ARHGEF7: variants seen among roughly 807,000 people sequenced by gnomAD.
ARHGEF7 encodes Rho guanine nucleotide exchange factor 7.
Under a neutral mutation model 109.8 loss-of-function variants are expected in ARHGEF7, and 33 were observed. That is an observed-to-expected ratio of 0.30 (90% CI 0.23 to 0.40). The LOEUF (loss-of-function observed/expected upper bound fraction) is 0.40. Ranked by LOEUF, ARHGEF7 falls within the 10% of genes least tolerant of loss-of-function variation. The probability of loss-of-function intolerance (pLI) is 1.00; values close to 1 mark genes in which losing one functional copy is unlikely to be tolerated. For missense variants in ARHGEF7, 938 were observed against 1,098.5 expected, an observed-to-expected ratio of 0.85 and a Z score of 2.07; for synonymous variants, 458 against 424.6, an observed-to-expected ratio of 1.08 and a Z score of -0.97.
intron 5 of ARHGEF7, among the ~76,000 whole-genome samples, chr13:111,220,204 T>C (rs1655789573): frequency 6.6e-6 from 1 of 152,222 alleles, no homozygotes; most frequent in South Asian, 2.1e-4. Context: ...CAGTGGACTT[T>C]CCAGGAGGAC....
chr13:111,182,378 A>C (rs2153431493), intron 2 of ARHGEF7: 1 of 152,526 alleles, frequency 6.6e-6, no homozygotes, highest in South Asian at 2.1e-4. Context: ...TGGTGGTAAA[A>C]GCTTGTCTGC....
intron 10 of ARHGEF7, 21 bp from the exon 11 acceptor site, chr13:111,274,710 G>A: frequency 7.1e-7 from 1 of 1,417,624 alleles, no homozygotes; most frequent in South Asian, 1.5e-5. Flanking sequence ...AAAGCTAATT[G>A]TATGTTTCTT....
At chr13:111,264,232 G>A (rs2091388803) in intron 8 of ARHGEF7, among the ~76,000 whole-genome samples, 1 of 152,224 alleles carries the variant, frequency 6.6e-6, no homozygotes, top group African/African-American at 2.4e-5. Context: ...TTGAGAGCTT[G>A]CATTGATGGA....
chr13:111,175,792 G>C (rs748632880), intron 2 of ARHGEF7, among the ~76,000 whole-genome samples: 1 of 152,194 alleles, frequency 6.6e-6, no homozygotes, highest in Non-Finnish European at 1.5e-5. Context: ...AACTGTCTGA[G>C]ACTGGGTAAT....
intron 4 of ARHGEF7, among the ~76,000 whole-genome samples, chr13:111,212,916 TG>T (rs2082670460): frequency 6.6e-6 from 1 of 152,190 alleles, no homozygotes; most frequent in Non-Finnish European, 1.5e-5. Flanking sequence ...CATCTTATAT[TG>T]GTTGACATGA....
intron 5 of ARHGEF7, among the ~76,000 whole-genome samples, chr13:111,218,368 A>T (rs1449729852): frequency 1.3e-5 from 2 of 152,018 alleles, no homozygotes; most frequent in East Asian, 3.9e-4. Flanking sequence ...TGTTTCACTG[A>T]CTTTCCGATT....
chr13:111,128,524 C>A (rs2067731697), intron 1 of ARHGEF7, among the ~76,000 whole-genome samples: 1 of 151,942 alleles, frequency 6.6e-6, no homozygotes. Context: ...AACAAACAAA[C>A]AAAAAACCAG....
chr13:111,149,873 A>G (rs143216944), intron 1 of ARHGEF7, among the ~76,000 whole-genome samples: 2 of 152,250 alleles, frequency 1.3e-5, no homozygotes, highest in African/African-American at 4.8e-5. Context: ...AGTGAAGATT[A>G]AGCATTTAAA....
At chr13:111,175,890 G>A (rs1368770020) in intron 2 of ARHGEF7, among the ~76,000 whole-genome samples, 1 of 152,220 alleles carries the variant, frequency 6.6e-6, no homozygotes, top group Non-Finnish European at 1.5e-5. Context: ...AAAAGGGGAA[G>A]CAAACACGTC....
At chr13:111,277,813 AC>A in intron 13 of ARHGEF7, 140 bp downstream of exon 13, 1 of 583,440 alleles carries the variant, frequency 1.7e-6, no homozygotes, top group Middle Eastern at 4.4e-4. Context: ...ATATGGACGT[AC>A]AGCTCCTGTT....
intron 5 of ARHGEF7, among the ~76,000 whole-genome samples, chr13:111,232,665 G>A (rs555252474): frequency 3.3e-5 from 5 of 152,196 alleles, no homozygotes; most frequent in Non-Finnish European, 5.9e-5. Context: ...AGTGAAGGCG[G>A]TGTGGGTTTT....
chr13:111,121,016 C>T (rs920808795), intron 1 of ARHGEF7, among the ~76,000 whole-genome samples: 2 of 152,166 alleles, frequency 1.3e-5, no homozygotes, highest in African/African-American at 4.8e-5. Flanking sequence ...GGAAAGGAGA[C>T]GGAGGCAGCA....
intron 9 of ARHGEF7, among the ~76,000 whole-genome samples, chr13:111,268,853 A>G (rs1333397557): frequency 6.6e-6 from 1 of 152,102 alleles, no homozygotes; most frequent in East Asian, 1.9e-4. Flanking sequence ...TTGTTTCTTC[A>G]TTTTTTAATT....
chr13:111,185,015 T>G (rs143646723), intron 2 of ARHGEF7: 1,545 of 152,426 alleles, frequency 0.01, 12 homozygotes, highest in Middle Eastern at 0.027. Flanking sequence ...TTGTCATTTT[T>G]TTTTTTCCTC....
rs558719794 is a variant in ARHGEF7 at position 111,296,651 on chromosome 13, G to A, written c.2312-4097G>A. Among the ~76,000 whole-genome samples, 3 of 152,314 alleles carry A rather than the reference G, an allele frequency of 2.0e-5. No homozygotes were observed. The East Asian group carries it at 5.8e-4, about 29-fold the overall frequency. ...AAGCTGATCTAGCACTTCTCAAAAT[G>A]TTAGCCACAAAACCACAAGATGTTA... On this transcript the variant is annotated intron_variant, in intron 19 of 21. Transcript: ENST00000646102.
At chr13:111,151,345 G>A (rs2075876909) in intron 1 of ARHGEF7, among the ~76,000 whole-genome samples, 1 of 152,216 alleles carries the variant, frequency 6.6e-6, no homozygotes, top group East Asian at 1.9e-4. Context: ...ATTTCATGCT[G>A]TACCGCCTTT....
intron 1 of ARHGEF7, among the ~76,000 whole-genome samples, chr13:111,129,342 A>T (rs1381870126): frequency 6.6e-6 from 1 of 152,182 alleles, no homozygotes; most frequent in East Asian, 1.9e-4. Context: ...TGATCCATAG[A>T]AGAAAGAATT....
At chr13:111,123,492 CACAT>C (rs770604937) in intron 1 of ARHGEF7, among the ~76,000 whole-genome samples, 3,117 of 150,122 alleles carry the variant, frequency 0.021, 107 homozygotes, top group African/African-American at 0.075. Flanking sequence ...CACACACACA[CACAT>C]ACATGCCCGT....
intron 2 of ARHGEF7, among the ~76,000 whole-genome samples, chr13:111,190,429 C>A (rs1426195219): frequency 1.3e-5 from 2 of 152,138 alleles, no homozygotes; most frequent in Non-Finnish European, 2.9e-5. Flanking sequence ...CAGAGTCCTC[C>A]TTTCTCAGCA....
Sources: allele counts gnomAD v4.1 joint callset (sites outside exome capture counted in the v4.1 genomes callset), GRCh38; gene constraint gnomAD v4.1.1; transcripts MANE v1.5; gene names NCBI Gene and HGNC (gene_info 2026-07-23, HGNC 2026-07-21).